Variants in DPF3 observed in about 807,000 individuals in gnomAD.
DPF3 encodes the protein double PHD fingers 3, also known as zinc finger protein DPF3.
DPF3 carries 18 observed loss-of-function variants against 56.8 expected under a neutral mutation model. That is an observed-to-expected ratio of 0.32 (90% CI 0.22 to 0.47). The LOEUF (loss-of-function observed/expected upper bound fraction) is 0.47. Among genes scored for constraint, DPF3 ranks in the 20% least tolerant of loss-of-function variants. The pLI, the probability that DPF3 is intolerant of heterozygous loss-of-function variation, is 1.00. For missense variants in DPF3, 403 were observed against 488.8 expected (o/e 0.82, Z 1.65); for synonymous variants, 188 against 180.2 (o/e 1.04, Z -0.35).
At chr14:72,759,363 A>G (rs1890973070) in intron 2 of DPF3, among the ~76,000 whole-genome samples, 1 of 152,204 alleles carries the variant, frequency 6.6e-6, no homozygotes, top group Non-Finnish European at 1.5e-5. Context: ...GGAAGAAAAA[A>G]TATTTGTAGA....
At chr14:72,622,436 A>C (rs956402504) in intron 9 of DPF3, among the ~76,000 whole-genome samples, 2 of 152,182 alleles carry the variant, frequency 1.3e-5, no homozygotes, top group African/African-American at 4.8e-5. Flanking sequence ...GGGATAATAC[A>C]AGGAGAAACA....
chr14:72,890,184 C>T (rs1336855519), intron 1 of DPF3, among the ~76,000 whole-genome samples: 1 of 152,064 alleles, frequency 6.6e-6, no homozygotes, highest in East Asian at 1.9e-4. Context: ...TATTAAGATT[C>T]AAATTTATAT....
chr14:72,670,104 T>TA lies in DPF3; in HGVS notation c.871+4135dup, dbSNP rs568587096. The TA allele has an allele frequency of 2.1e-4, 208 of 982,442 alleles. 1 individual carries two copies. The South Asian group carries it at 2.7e-3, about 13-fold the overall frequency. 60.9% of individuals were successfully genotyped at this position (982,442 alleles called of 1,614,324 possible). A position where few individuals can be genotyped will look rare whatever the true frequency, so the allele number is the denominator to read the frequency against. On this transcript the variant is annotated intron_variant, in intron 8 of 10. Coordinates refer to ENST00000556509, the MANE Select transcript of DPF3 (RefSeq NM_001280542.3). ...AAAACAAAGTGCCTGGCAGGCACTA[T>TA]AAAAAAAAATAGAAGAAATACGGTA...
chr14:72,685,023 T>C lies in DPF3; in HGVS notation c.742+8053A>G, dbSNP rs149923872. On this transcript the variant is annotated intron_variant, in intron 7 of 10. Coordinates refer to ENST00000556509, the MANE Select transcript of DPF3 (RefSeq NM_001280542.3). ...CAAGGAGAGAGCCCTCACCACACTCTGACCCTACCAGAACCTTGATCTTGG... is the reference window on the plus strand; with the variant it reads ...CAAGGAGAGAGCCCTCACCACACTCCGACCCTACCAGAACCTTGATCTTGG... Among the ~76,000 whole-genome samples, 1,192 of 152,350 alleles carry C rather than the reference T, an allele frequency of 7.8e-3. 24 individuals are homozygous for C. The highest frequency in any genetic ancestry group is 0.028 in the African/African-American group (1,146 of 41,576).
intron 3 of DPF3, among the ~76,000 whole-genome samples, chr14:72,752,246 C>T (rs1421264784): frequency 6.6e-6 from 1 of 152,208 alleles, no homozygotes; most frequent in Non-Finnish European, 1.5e-5. Flanking sequence ...CCCTGAGTCA[C>T]ATCCCAGCCT....
At chr14:72,743,198 G>A (rs1304278045) in intron 3 of DPF3, among the ~76,000 whole-genome samples, 2 of 152,142 alleles carry the variant, frequency 1.3e-5, no homozygotes, top group East Asian at 3.9e-4. Flanking sequence ...GGGTGGCAAA[G>A]AGCCACCCTG....
chr14:72,765,139 T>C (rs779312100), intron 2 of DPF3, among the ~76,000 whole-genome samples: 5 of 152,198 alleles, frequency 3.3e-5, no homozygotes, highest in Non-Finnish European at 7.4e-5. Flanking sequence ...AATAAGCACA[T>C]GTGAAGATGC....
intron 1 of DPF3, among the ~76,000 whole-genome samples, chr14:72,888,775 G>C (rs768916138): frequency 3.9e-5 from 6 of 152,202 alleles, no homozygotes; most frequent in Non-Finnish European, 7.3e-5. Context: ...CCAGAGGTTT[G>C]CAACATTTGG....
chr14:72,859,840 C>T (rs1236836601), intron 1 of DPF3, among the ~76,000 whole-genome samples: 1 of 152,050 alleles, frequency 6.6e-6, no homozygotes, highest in African/African-American at 2.4e-5. Flanking sequence ...GGGGTATATT[C>T]ACCAAGACAT....
chr14:72,888,082 C>A (rs1157693917), intron 1 of DPF3, among the ~76,000 whole-genome samples: 4 of 152,156 alleles, frequency 2.6e-5, no homozygotes, highest in Non-Finnish European at 5.9e-5. Flanking sequence ...GTTCCGCAGG[C>A]TCAGAACTGA....
At chr14:72,801,580 T>C (rs1892894786) in intron 1 of DPF3, among the ~76,000 whole-genome samples, 1 of 152,206 alleles carries the variant, frequency 6.6e-6, no homozygotes, top group Admixed American at 6.5e-5. Context: ...TTCCTCCTTT[T>C]GTTGTCTTTG....
intron 5 of DPF3, among the ~76,000 whole-genome samples, chr14:72,715,938 G>C (rs1009295527): frequency 1.3e-5 from 2 of 149,958 alleles, no homozygotes; most frequent in Admixed American, 1.3e-4. Flanking sequence ...GGTGCTGGCA[G>C]TCACCCCGGG....
At chr14:72,853,559 C>T (rs1410977465) in intron 1 of DPF3, among the ~76,000 whole-genome samples, 1 of 146,752 alleles carries the variant, frequency 6.8e-6, no homozygotes, top group African/African-American at 2.5e-5. Flanking sequence ...AACACAACCT[C>T]TGCCTCCCAG....
At chr14:72,847,519 C>T (rs773565852) in intron 1 of DPF3, among the ~76,000 whole-genome samples, 1 of 151,498 alleles carries the variant, frequency 6.6e-6, no homozygotes, top group Non-Finnish European at 1.5e-5. Flanking sequence ...TTTTTTTCAG[C>T]GGGGGCAGGG....
At chr14:72,793,111 G>C (rs1892508340) in intron 1 of DPF3, among the ~76,000 whole-genome samples, 1 of 152,168 alleles carries the variant, frequency 6.6e-6, no homozygotes, top group African/African-American at 2.4e-5. Flanking sequence ...TTAATTTATG[G>C]AGAAACTCAG....
At chr14:72,890,221 T>G (rs1396515680) in intron 1 of DPF3, among the ~76,000 whole-genome samples, 1 of 152,186 alleles carries the variant, frequency 6.6e-6, no homozygotes, top group Non-Finnish European at 1.5e-5. Flanking sequence ...CCAGACATCG[T>G]GGCTCACTCC....
chr14:72,639,432 G>A (rs1885478740), intron 8 of DPF3, among the ~76,000 whole-genome samples: 1 of 152,144 alleles, frequency 6.6e-6, no homozygotes, highest in African/African-American at 2.4e-5. Flanking sequence ...AGTAGAATAT[G>A]GCAGAAGTGA....
At chr14:72,644,395 T>C (rs910661435) in intron 8 of DPF3, among the ~76,000 whole-genome samples, 1 of 152,210 alleles carries the variant, frequency 6.6e-6, no homozygotes, top group African/African-American at 2.4e-5. Context: ...TTCCTGACAA[T>C]CAAACAAATA....
Position 72,839,088 on chromosome 14 carries a change from T to C in DPF3, c.32+54969A>G, listed in dbSNP as rs552239178. Among the ~76,000 whole-genome samples the C allele has an allele frequency of 1.1e-4, 17 of 151,324 alleles. 1 individual carries two copies. The South Asian group carries it at 2.7e-3, about 24-fold the overall frequency. ...GGAGCACGCCACCACACCCAGCTAA[T>C]TTTTGTATTTTTAGTAGAGACGGGG... On this transcript the variant is annotated intron_variant, in intron 1 of 10. Transcript: ENST00000556509.
Sources: allele counts gnomAD v4.1 joint callset (sites outside exome capture counted in the v4.1 genomes callset), GRCh38; gene constraint gnomAD v4.1.1; transcripts MANE v1.5; gene names NCBI Gene and HGNC (gene_info 2026-07-23, HGNC 2026-07-21).